INTS6L: variants seen among roughly 807,000 people sequenced by gnomAD.
INTS6L encodes the protein integrator complex subunit 6 like.
INTS6L carries 18 observed loss-of-function variants against 64.7 expected under a neutral mutation model. That is an observed-to-expected ratio of 0.28 (90% CI 0.19 to 0.41). The LOEUF is 0.41. Among genes scored for constraint, INTS6L ranks in the 10% least tolerant of loss-of-function variants. INTS6L has a pLI of 1.00. For synonymous variants in INTS6L, 227 were observed against 235.9 expected, an observed-to-expected ratio of 0.96 and a Z score of 0.34; for missense variants, 533 against 661.0, an observed-to-expected ratio of 0.81 and a Z score of 2.12.
intron 9 of INTS6L, among the ~76,000 whole-genome samples, chrX:135,558,690 A>G (rs782616396): frequency 8.9e-6 from 1 of 111,829 alleles, no homozygotes; most frequent in South Asian, 3.8e-4. Flanking sequence ...TGGCACAGCA[A>G]TATGCATACA....
chrX:135,569,581 T>C (rs929416736), intron 10 of INTS6L, 150 bp downstream of exon 10: 15 of 318,308 alleles, frequency 4.7e-5, no homozygotes, highest in Non-Finnish European at 8.1e-5. Flanking sequence ...TCTCAAATCA[T>C]GTGTAAGAGT....
chrX:135,531,717 C>G (rs924502436), intron 2 of INTS6L, among the ~76,000 whole-genome samples: 9 of 111,826 alleles, frequency 8.0e-5, no homozygotes, highest in African/African-American at 2.9e-4. Context: ...TCACCCTCCC[C>G]ACCAGCCTGC....
rs1556533669 is a variant in INTS6L at position 135,580,132 on chromosome X, T to C, written c.2464T>C (p.Leu822=). Residue 822 remains leucine (L), a synonymous_variant, in exon 16 of 18, where the codon TTA becomes CTA. Transcript: ENST00000639893. The part of the protein sequence containing the change: ...QGINADIKHQ[L]MKEVRKFGRK... ...AATCAATGCTGATATAAAACATCAA[T>C]TAATGAAGGAAGTTCGAAAGTTTGG... is the stretch of plus-strand genomic sequence containing the variant. The C allele has an allele frequency of 8.5e-7, 1 of 1,182,977 alleles. No homozygotes were observed. Among genetic ancestry groups the C allele is most frequent in the East Asian group, 3.0e-5 (1 of 33,371 alleles).
intron 9 of INTS6L, among the ~76,000 whole-genome samples, chrX:135,563,546 T>C (rs1556523094): frequency 9.4e-6 from 1 of 106,179 alleles, no homozygotes; most frequent in East Asian, 2.9e-4. Context: ...CATCTGAGAA[T>C]ATCTTGATTT....
rs2148638309 is a variant in INTS6L at position 135,556,391 on chromosome X, G to A, written c.1192+91G>A. On this transcript the variant is annotated intron_variant, in intron 9 of 17. Coordinates refer to ENST00000639893, the MANE Select transcript of INTS6L (RefSeq NM_001351601.3). ...CTAAGCATTTTAAATGTAGATGACG[G>A]TAACAAATTGATTTGAAAGGATAGA... 7.3e-6 allele frequency: 6 copies of A among 822,927 alleles called. No individual in the cohort carries two copies. In the East Asian group the frequency reaches 1.9e-4, roughly 26 times the overall value. 67.8% of individuals were successfully genotyped at this position (822,927 alleles called of 1,213,427 possible).
intron 13 of INTS6L, among the ~76,000 whole-genome samples, chrX:135,574,485 G>A (rs998867431): frequency 8.9e-6 from 1 of 111,736 alleles, no homozygotes. Flanking sequence ...AAATTCAGTA[G>A]AGAATACCTC....
At chrX:135,547,378 A>T in intron 6 of INTS6L, 113 bp downstream of exon 6, 1 of 858,623 alleles carries the variant, frequency 1.2e-6, no homozygotes, top group Non-Finnish European at 1.6e-6. Flanking sequence ...AGTGGTTACA[A>T]ACATACATCC....
intron 9 of INTS6L, among the ~76,000 whole-genome samples, chrX:135,565,117 T>C (rs1248851131): frequency 8.9e-6 from 1 of 111,916 alleles, no homozygotes; most frequent in Non-Finnish European, 1.9e-5. Context: ...TACTGAGCAG[T>C]TGTGAAAGTC....
intron 11 of INTS6L, 152 bp downstream of exon 11, chrX:135,570,698 C>A: frequency 1.6e-6 from 1 of 638,925 alleles, no homozygotes; most frequent in Non-Finnish European, 2.2e-6. Context: ...TGGCTTCTAG[C>A]TTCACCATTA....
intron 9 of INTS6L, among the ~76,000 whole-genome samples, chrX:135,568,151 T>G (rs1272144241): frequency 9.0e-6 from 1 of 111,723 alleles, no homozygotes; most frequent in African/African-American, 3.2e-5. Context: ...TTTATTGTAT[T>G]AGAAAAATGT....
At position 135,520,998 on chromosome X, in the gene INTS6L, C is replaced by T; in HGVS notation, c.6C>T (p.Pro2=). Residue 2 remains proline (P), a synonymous_variant, in exon 1 of 18, where the codon CCC becomes CCT. Transcript: ENST00000639893. The part of the protein sequence containing the change: M[P]ILLFLIDTSA... ...AGGCAGGAGTGCGGGGGAAGATGCC[C>T]ATCCTGCTGTTCCTCATAGACACGT... is the stretch of plus-strand genomic sequence containing the variant. The T allele has an allele frequency of 1.7e-6, 2 of 1,210,222 alleles. No individual in the cohort carries two copies. Among genetic ancestry groups the T allele is most frequent in the East Asian group, 3.0e-5 (1 of 33,790 alleles).
At chrX:135,573,219 T>C (rs2087136414) in intron 12 of INTS6L, among the ~76,000 whole-genome samples, 186 bp downstream of exon 12, 1 of 112,332 alleles carries the variant, frequency 8.9e-6, no homozygotes, top group Non-Finnish European at 1.9e-5. Context: ...GTTTTGTGGG[T>C]AACGCCCATG....
chrX:135,580,408 A>G (rs1603022267), intron 16 of INTS6L, among the ~76,000 whole-genome samples: 1 of 112,802 alleles, frequency 8.9e-6, no homozygotes, highest in African/African-American at 3.2e-5. Flanking sequence ...CTAGCTTAAA[A>G]CAATACAAAT....
chrX:135,522,420 G>A (rs782238108), intron 2 of INTS6L, among the ~76,000 whole-genome samples: 2 of 112,141 alleles, frequency 1.8e-5, no homozygotes, highest in East Asian at 5.6e-4. Flanking sequence ...ATGTTCCTAT[G>A]GTGAGGAGAT....
chrX:135,563,589 A>ATG (rs2086840967), intron 9 of INTS6L, among the ~76,000 whole-genome samples: 1 of 96,736 alleles, frequency 1.0e-5, no homozygotes, highest in Non-Finnish European at 2.1e-5. Flanking sequence ...ATATACATAT[A>ATG]TATATGTATA....
chrX:135,545,708 T>C (rs911697292), intron 3 of INTS6L, 136 bp downstream of exon 3: 8 of 617,140 alleles, frequency 1.3e-5, no homozygotes, highest in African/African-American at 2.3e-5. Context: ...CTTTTAAATA[T>C]ATACTTTTTA....
rs901928776 is a variant in INTS6L, at chrX:135,520,834, A to G, written c.-159A>G. ...GGTGGGGCTGCAGAAAGAGGAGGCC[A>G]GGAGCGGTCCCATCCGTCCCGTCCC... On this transcript the variant is annotated 5_prime_UTR_variant, in exon 1 of 18. Transcript: ENST00000639893. 18 of 512,350 alleles carry G rather than the reference A, an allele frequency of 3.5e-5. No individual in the cohort carries two copies. The highest frequency in any genetic ancestry group is 1.6e-4 in the Admixed American group (5 of 30,862). The allele number at this position is 512,350 out of a possible 1,213,427, so 42.2% of individuals were successfully genotyped here.
chrX:135,558,814 G>C (rs1272304655), intron 9 of INTS6L, among the ~76,000 whole-genome samples: 2 of 97,742 alleles, frequency 2.0e-5, no homozygotes, highest in African/African-American at 7.7e-5. Context: ...GAGACAGAGT[G>C]TCTCTCTGTC....
chrX:135,579,700 T>G, intron 15 of INTS6L, 88 bp from the exon 16 acceptor site: 1 of 1,081,036 alleles, frequency 9.3e-7, no homozygotes. Flanking sequence ...TGAGATAATT[T>G]CCTAGAAATT....
Sources: allele counts gnomAD v4.1 joint callset (sites outside exome capture counted in the v4.1 genomes callset), GRCh38; gene constraint gnomAD v4.1.1; transcripts MANE v1.5; gene names NCBI Gene and HGNC (gene_info 2026-07-23, HGNC 2026-07-21).